Variants in LRRC2 observed in about 807,000 individuals in gnomAD.
LRRC2 encodes leucine rich repeat containing 2.
A neutral mutation model predicts 40.2 loss-of-function variants in LRRC2; 27 were observed. The observed-to-expected ratio is 0.67, with a 90% CI of 0.49 to 0.93. The LOEUF (loss-of-function observed/expected upper bound fraction) is 0.93, where lower values mean the gene tolerates loss of function less well. LRRC2 is among the 40% of genes least tolerant of loss of function. The pLI is 0.00. For synonymous variants in LRRC2, 147 were observed against 158.9 expected (o/e 0.92, Z 0.56); for missense variants, 402 against 439.6 (o/e 0.91, Z 0.76).
At chr3:46,520,225 A>G (rs1703941718) in intron 8 of LRRC2, among the ~76,000 whole-genome samples, 1 of 149,732 alleles carries the variant, frequency 6.7e-6, no homozygotes, top group Admixed American at 6.7e-5. Context: ...AAATTGATTA[A>G]TTTTAAAAGC....
intron 6 of LRRC2, 37 bp downstream of exon 6, chr3:46,529,866 ACT>A: frequency 6.2e-7 from 1 of 1,607,942 alleles, no homozygotes; most frequent in South Asian, 1.1e-5. Flanking sequence ...AGCGTTAGTA[ACT>A]AATACATACA....
rs533509610 is a variant in LRRC2 at position 46,549,538 on chromosome 3, T to C, written c.125+1929A>G. 3.3e-5 allele frequency among the ~76,000 whole-genome samples: 5 copies of C among 152,278 alleles called. 1 individual carries two copies. In the South Asian group the frequency reaches 1.0e-3, roughly 32 times the overall value. On this transcript the variant is annotated intron_variant, in intron 2 of 8. Transcript: ENST00000395905. Reference sequence around the variant, plus strand: ...TTGGGCTAGAAAAGCCAAACAAATATCCAAGAAGTTTTCTGTCTTAGGTTA... The same window carrying C: ...TTGGGCTAGAAAAGCCAAACAAATACCCAAGAAGTTTTCTGTCTTAGGTTA...
At chr3:46,544,396 G>A (rs1193580026) in intron 3 of LRRC2, among the ~76,000 whole-genome samples, 1 of 152,192 alleles carries the variant, frequency 6.6e-6, no homozygotes, top group Non-Finnish European at 1.5e-5. Context: ...GCACACACCT[G>A]TAGTCCCAGC....
chr3:46,548,457 C>T (rs572867656), intron 2 of LRRC2, among the ~76,000 whole-genome samples: 30 of 152,068 alleles, frequency 2.0e-4, no homozygotes, highest in South Asian at 4.2e-4. Flanking sequence ...AAATAAAATT[C>T]GTTGTCTTTT....
rs996561206 is a variant in LRRC2, at chr3:46,516,697, G to C, written c.*2317C>G. The C allele has an allele frequency of 6.6e-6, 1 of 152,178 alleles. No homozygotes were observed. Among genetic ancestry groups the C allele is most frequent in the Admixed American group, 6.5e-5 (1 of 15,282 alleles). The allele number at this position is 152,178 out of a possible 1,614,324, so 9.4% of individuals were successfully genotyped here. On this transcript the variant is annotated 3_prime_UTR_variant, in exon 9 of 9. Coordinates refer to ENST00000395905, the MANE Select transcript of LRRC2 (RefSeq NM_024512.5). ...TTGAACATTCCTAGGCACTGATAACGGTGCTTAGGTTGTTGCTGGAAACAC... is the reference window on the plus strand; with the variant it reads ...TTGAACATTCCTAGGCACTGATAACCGTGCTTAGGTTGTTGCTGGAAACAC...
At chr3:46,535,862 A>G (rs1034048724) in intron 4 of LRRC2, among the ~76,000 whole-genome samples, 4 of 152,166 alleles carry the variant, frequency 2.6e-5, no homozygotes. Context: ...CACCTACTCT[A>G]AATGCTTTCT....
chr3:46,540,495 A>AGT (rs1410609773), intron 3 of LRRC2, among the ~76,000 whole-genome samples: 43 of 151,210 alleles, frequency 2.8e-4, no homozygotes, highest in African/African-American at 1.0e-3. Flanking sequence ...ACTGCACTCC[A>AGT]GCCTGGGTGA....
chr3:46,537,996 T>C (rs1437257398), intron 4 of LRRC2, among the ~76,000 whole-genome samples: 1 of 152,186 alleles, frequency 6.6e-6, no homozygotes, highest in Non-Finnish European at 1.5e-5. Flanking sequence ...GGAGCAGGTG[T>C]CTCCTCATCC....
intron 1 of LRRC2, among the ~76,000 whole-genome samples, chr3:46,552,403 TAGGC>T (rs1353190528): frequency 2.0e-5 from 3 of 150,508 alleles, no homozygotes; most frequent in Non-Finnish European, 3.0e-5. Context: ...AAAGCTCACA[TAGGC>T]GGTGTTATAA....
chr3:46,549,410 G>A (rs1398599542), intron 2 of LRRC2, among the ~76,000 whole-genome samples: 2 of 152,064 alleles, frequency 1.3e-5, no homozygotes, highest in Non-Finnish European at 2.9e-5. Flanking sequence ...TTCTGAAGAG[G>A]CTGAGAAACT....
chr3:46,552,915 T>C (rs1704695049), intron 1 of LRRC2, among the ~76,000 whole-genome samples: 2 of 152,242 alleles, frequency 1.3e-5, no homozygotes. Flanking sequence ...AGTGGGAATT[T>C]AGAGATAATT....
chr3:46,562,043 C>G (rs996596335), intron 1 of LRRC2, among the ~76,000 whole-genome samples: 18 of 152,182 alleles, frequency 1.2e-4, no homozygotes, highest in Admixed American at 3.9e-4. Flanking sequence ...ACATTCTTCC[C>G]TTTAAAAAGG....
chr3:46,558,408 G>C (rs1704859067), intron 1 of LRRC2: 1 of 152,176 alleles, frequency 6.6e-6, no homozygotes, highest in African/African-American at 2.4e-5. Flanking sequence ...TGCCTTCTGT[G>C]GGGTGTGATC....
intron 4 of LRRC2, among the ~76,000 whole-genome samples, chr3:46,537,216 C>T (rs549126974): frequency 6.6e-6 from 1 of 152,192 alleles, no homozygotes; most frequent in Non-Finnish European, 1.5e-5. Context: ...CAGCCTCAAC[C>T]TCCTGGGCTC....
At chr3:46,555,741 T>C (rs1195947364) in intron 1 of LRRC2, among the ~76,000 whole-genome samples, 1 of 152,222 alleles carries the variant, frequency 6.6e-6, no homozygotes, top group Non-Finnish European at 1.5e-5. Context: ...AAAGAACTCC[T>C]GAGGAGAAAA....
intron 6 of LRRC2, 46 bp downstream of exon 6, chr3:46,529,859 G>A (rs370736960): frequency 4.7e-5 from 75 of 1,595,170 alleles, no homozygotes; most frequent in East Asian, 2.5e-4. Flanking sequence ...TGTTTGAAGC[G>A]TTAGTAACTA....
intron 2 of LRRC2, among the ~76,000 whole-genome samples, chr3:46,545,871 A>G (rs1443596941): frequency 1.3e-5 from 2 of 152,180 alleles, no homozygotes; most frequent in Non-Finnish European, 2.9e-5. Context: ...AGATGCCCAC[A>G]CAGCTGTCAG....
At chr3:46,549,255 T>C (rs1704592119) in intron 2 of LRRC2, among the ~76,000 whole-genome samples, 1 of 152,236 alleles carries the variant, frequency 6.6e-6, no homozygotes, top group Admixed American at 6.5e-5. Context: ...GCATTAATTT[T>C]TCAACATATT....
chr3:46,543,571 G>A (rs13077283), intron 3 of LRRC2, among the ~76,000 whole-genome samples: 9,682 of 151,350 alleles, frequency 0.064, 472 homozygotes, highest in South Asian at 0.17. Context: ...AGCTGAGATC[G>A]CACCACTGTG....
Sources: gnomAD v4.1 joint callset for allele counts (sites outside exome capture counted in the v4.1 genomes callset) on GRCh38, gnomAD v4.1.1 for gene constraint, MANE v1.5 for transcripts, NCBI Gene and HGNC (gene_info 2026-07-23, HGNC 2026-07-21) for gene names.